Variants in RYR1 observed in about 807,000 individuals in gnomAD.
RYR1 encodes central core disease of muscle.
RYR1 carries 342 observed loss-of-function variants against 583.5 expected under a neutral mutation model. That is an observed-to-expected ratio of 0.59 (90% CI 0.54 to 0.64). The LOEUF (loss-of-function observed/expected upper bound fraction) is 0.64. Ranked by LOEUF, RYR1 falls within the 30% of genes least tolerant of loss-of-function variation. RYR1 has a pLI of 0.00. For synonymous variants in RYR1, 2,791 were observed against 2,822.5 expected, an observed-to-expected ratio of 0.99 and a Z score of 0.35; for missense variants, 6,032 against 6,917.2, an observed-to-expected ratio of 0.87 and a Z score of 4.54.
At chr19:38,572,310 G>T (rs1305385833) in intron 95 of RYR1, 40 bp downstream of exon 95, 2 of 1,586,064 alleles carry the variant, frequency 1.3e-6, no homozygotes, top group Admixed American at 3.4e-5. Context: ...GGGCTTATTG[G>T]CTGGGTGGGG....
chr19:38,525,575 G>C, intron 71 of RYR1, 73 bp downstream of exon 71: 2 of 1,523,040 alleles, frequency 1.3e-6, no homozygotes, highest in Non-Finnish European at 1.8e-6. Flanking sequence ...GGGACCTTAG[G>C]GAACAACCAC....
intron 34 of RYR1, among the ~76,000 whole-genome samples, chr19:38,486,595 C>G (rs77886329): frequency 6.6e-6 from 1 of 152,180 alleles, no homozygotes; most frequent in South Asian, 2.1e-4. Flanking sequence ...CCCACCTTGG[C>G]CTCCCAAAGT....
In RYR1 at chr19:38,532,658, G is replaced by A; in HGVS notation, c.11194-13G>A. 5 of 1,614,108 alleles carry A rather than the reference G, an allele frequency of 3.1e-6. No individual in the cohort carries two copies. The South Asian group carries it at 5.5e-5, about 18-fold the overall frequency. On this transcript the variant is annotated splice_polypyrimidine_tract_variant and intron_variant, in intron 77 of 105. Transcript: ENST00000359596. ...CTGCTTTGTTCATCCCTTAACTGATGCCCCCTCCCCAGAGCTGCCACCTGG... is the reference window on the plus strand; with the variant it reads ...CTGCTTTGTTCATCCCTTAACTGATACCCCCTCCCCAGAGCTGCCACCTGG...
rs906537668 is a variant in RYR1 at position 38,435,918 on chromosome 19, A to AT, written c.45+2051dup. Among the ~76,000 whole-genome samples the AT allele has an allele frequency of 5.3e-4, 80 of 151,908 alleles. 1 individual carries two copies. The highest frequency in any genetic ancestry group is 3.3e-4 in the Admixed American group (5 of 15,242). On this transcript the variant is annotated intron_variant, in intron 1 of 105. Transcript: ENST00000359596. ...TTGTTTTGTTTTTGTTTATTTATTT[A>AT]TTTTTTTGAGATGGAGTTTCACTCT...
intron 26 of RYR1, 27 bp from the exon 27 acceptor site, chr19:38,469,278 C>A (rs535899658): frequency 1.2e-6 from 2 of 1,612,830 alleles, no homozygotes; most frequent in African/African-American, 2.7e-5. Context: ...CTGCCCTCAC[C>A]CCTGCCCATC....
chr19:38,455,334 T>C lies in RYR1; in HGVS notation c.1540T>C (p.Trp514Arg). 6.2e-7 allele frequency: 1 copy of C among 1,614,108 alleles called. No individual in the cohort carries two copies. Among genetic ancestry groups the C allele is most frequent in the Non-Finnish European group, 8.5e-7 (1 of 1,179,992 alleles). ...TGCAGGGGAGGAGGCAGCCGAGTCC[T>C]GGAAAGAGATTGTGAATCTTCTCTA... ...EFAGEEAAES[W>R]KEIVNLLYEL... The change falls in exon 14 of 106, where the codon TGG becomes CGG. Residue 514 changes from tryptophan (W) to arginine (R), a missense_variant. By Grantham distance (101) the Trp-to-Arg change is moderately radical. Around this residue, in one of 11 missense-constraint regions of RYR1, gnomAD observed 2,627 missense variants for 2,961.3 expected, o/e 0.89. Coordinates refer to ENST00000359596, the MANE Select transcript of RYR1 (RefSeq NM_000540.3).
intron 89 of RYR1, among the ~76,000 whole-genome samples, chr19:38,552,403 G>A (rs1189248194): frequency 2.0e-5 from 3 of 151,998 alleles, no homozygotes; most frequent in Non-Finnish European, 2.9e-5. Context: ...ACAGGCATGC[G>A]CCACCACACC....
At position 38,565,027 on chromosome 19, in the gene RYR1, G is replaced by T. The variant is rs1350844178; in HGVS notation, c.12693G>T (p.Glu4231Asp). The T allele has an allele frequency of 1.0e-5, 16 of 1,587,328 alleles. No individual in the cohort carries two copies. The highest frequency in any genetic ancestry group is 1.3e-5 in the African/African-American group (1 of 74,572). ...VNEGGEAEKM[E>D]LFVSFCEDTI... Reference sequence around the variant, plus strand: ...AGGGCGGCGAGGCTGAGAAGATGGAGCTCTTCGTGAGTTTCTGCGAGGACA... The same window carrying T: ...AGGGCGGCGAGGCTGAGAAGATGGATCTCTTCGTGAGTTTCTGCGAGGACA... Residue 4231 changes from glutamate to aspartate, a missense_variant, in exon 91 of 106, where the codon GAG becomes GAT. Around this residue, in one of 11 missense-constraint regions of RYR1, gnomAD observed 753 missense variants for 759.6 expected, o/e 0.99. Coordinates refer to ENST00000359596, the MANE Select transcript of RYR1 (RefSeq NM_000540.3). The surrounding 1 kb of genome is among the most constrained non-coding windows in gnomAD (Gnocchi z 4.7).
In RYR1 at chr19:38,512,274, TGAAG is replaced by T; in HGVS notation, c.9265_9268del (p.Lys3089LeufsTer33). 6.2e-7 allele frequency: 1 copy of T among 1,614,188 alleles called. No individual in the cohort carries two copies. The highest frequency in any genetic ancestry group is 8.5e-7 in the Non-Finnish European group (1 of 1,180,024). On this transcript the variant is annotated frameshift_variant, in exon 63 of 106. Coordinates refer to ENST00000359596, the MANE Select transcript of RYR1 (RefSeq NM_000540.3). LOFTEE classifies it high-confidence loss of function. The surrounding 1 kb of genome is among the most constrained non-coding windows in gnomAD (Gnocchi z 5.1). ...GTGATGAAGTCAGGCCCTGAGATCG[TGAAG>T]GCTGGCCTCCGCTCCTTCTTCGAGA...
intron 93 of RYR1, among the ~76,000 whole-genome samples, chr19:38,569,413 G>C (rs998242211): frequency 2.0e-5 from 3 of 151,922 alleles, no homozygotes; most frequent in Non-Finnish European, 4.4e-5. Context: ...TAATTAGCTG[G>C]GTGAGGTGAC....
Position 38,528,338 on chromosome 19 carries a change from G to A in RYR1, c.10857G>A (p.Val3619=), listed in dbSNP as rs1971572195. The A allele has an allele frequency of 1.2e-6, 2 of 1,614,034 alleles. No individual in the cohort carries two copies. Among genetic ancestry groups the A allele is most frequent in the Non-Finnish European group, 8.5e-7 (1 of 1,180,020 alleles). Residue 3619 remains valine (V), a synonymous_variant, in exon 74 of 106, where the codon GTG becomes GTA. Transcript: ENST00000359596. ...TEHPYKSKKA[V]WHKLLSKQRR... ...ACCCTTACAAGTCTAAGAAGGCCGT[G>A]TGGCACAAGCTTTTGTCCAAACAGC...
chr19:38,478,672 C>T, intron 31 of RYR1, 72 bp downstream of exon 31: 1 of 1,559,654 alleles, frequency 6.4e-7, no homozygotes, highest in South Asian at 1.1e-5. Context: ...TATAGATGTC[C>T]CCTGAGGCCA....
chr19:38,451,723 G>A lies in RYR1; in HGVS notation c.1123-41G>A, dbSNP rs369711238. ...AGACGTCTTGGGGGCATGGCCCTGG[G>A]TGGCTGGGCCCACTCCAGACCTCTG... On this transcript the variant is annotated intron_variant, in intron 11 of 105. Coordinates refer to ENST00000359596, the MANE Select transcript of RYR1 (RefSeq NM_000540.3). 8.6e-5 allele frequency: 139 copies of A among 1,613,092 alleles called. No individual in the cohort carries two copies. The African/African-American group carries it at 1.7e-3, about 19-fold the overall frequency.
chr19:38,508,973 G>A (rs1970603218), intron 58 of RYR1, among the ~76,000 whole-genome samples: 1 of 152,082 alleles, frequency 6.6e-6, no homozygotes, highest in Non-Finnish European at 1.5e-5. Flanking sequence ...AGGCTGCTGG[G>A]GTGCCCCCCA....
In RYR1 at chr19:38,512,188, C is replaced by A. The variant is rs573979760; in HGVS notation, c.9233+56C>A. ...ACCATCATCGGGCCCCCACCCCAAC[C>A]CCTGGTCTCCTAGACTCTCCGATTC... On this transcript the variant is annotated intron_variant, in intron 62 of 105. Coordinates refer to ENST00000359596, the MANE Select transcript of RYR1 (RefSeq NM_000540.3). This position sits in a 1 kb window ranked among gnomAD's most constrained non-coding sequence, Gnocchi z 5.1. The A allele has an allele frequency of 6.2e-7, 1 of 1,613,948 alleles. No individual in the cohort carries two copies. Among genetic ancestry groups the A allele is most frequent in the Admixed American group, 1.7e-5 (1 of 60,018 alleles).
In RYR1 at chr19:38,505,906, C is replaced by G. The variant is rs555470100; in HGVS notation, c.8501C>G (p.Thr2834Arg). The G allele has an allele frequency of 1.4e-5, 22 of 1,612,878 alleles. No homozygotes were observed. The South Asian group carries it at 2.3e-4, about 17-fold the overall frequency. ...EKAREGEEEKTEKKKTRKISQ... is the reference protein window; with the variant it reads ...EKAREGEEEKREKKKTRKISQ... ...GCCAGGGAGGGTGAGGAGGAGAAGA[C>G]GGAAAAGAAAAAAACGCGGAAGATA... The change falls in exon 54 of 106, where the codon ACG (threonine) becomes AGG (arginine). Residue 2834 changes from threonine (T) to arginine (R), a missense_variant. Around this residue, in one of 11 missense-constraint regions of RYR1, gnomAD observed 1,493 missense variants for 1,715.5 expected, o/e 0.87. Coordinates refer to ENST00000359596, the MANE Select transcript of RYR1 (RefSeq NM_000540.3).
chr19:38,527,104 A>G (rs1335551001), intron 72 of RYR1, 52 bp downstream of exon 72: 1 of 1,587,234 alleles, frequency 6.3e-7, no homozygotes, highest in Non-Finnish European at 8.6e-7. Context: ...AGTAACCACA[A>G]TATTAGTGAA....
rs776165843 is a variant in RYR1, at chr19:38,455,759, C to T, written c.1791+8C>T. On this transcript the variant is annotated splice_region_variant and intron_variant, in intron 16 of 105. Transcript: ENST00000359596. Reference sequence around the variant, plus strand: ...CATGGGAGGAACCACAAGGTCGGCCCCTCACCCCTGACCTCTCATCCCCTG... The same window carrying T: ...CATGGGAGGAACCACAAGGTCGGCCTCTCACCCCTGACCTCTCATCCCCTG... 1.3e-6 allele frequency: 2 copies of T among 1,552,790 alleles called. No homozygotes were observed. Among genetic ancestry groups the T allele is most frequent in the Admixed American group, 3.3e-5 (2 of 59,896 alleles).
rs1968094535 is a variant in RYR1 at position 38,466,211 on chromosome 19, A to G, written c.2991A>G (p.Arg997=). Residue 997 remains arginine (R), a synonymous_variant, in exon 24 of 106, where the codon CGA becomes CGG. Coordinates refer to ENST00000359596, the MANE Select transcript of RYR1 (RefSeq NM_000540.3). The stretch of plus-strand genomic sequence containing the variant: ...AAAATGGGCACAACGTGTGGGCCCG[A>G]GACCGCGTGGGCCAGGGCTGGAGCT... ...LAENGHNVWA[R]DRVGQGWSYS... 5 of 1,613,488 alleles carry G rather than the reference A, an allele frequency of 3.1e-6. No individual in the cohort carries two copies. The highest frequency in any genetic ancestry group is 4.2e-6 in the Non-Finnish European group (5 of 1,179,956).
Sources: allele counts gnomAD v4.1 joint callset (sites outside exome capture counted in the v4.1 genomes callset), GRCh38; gene constraint gnomAD v4.1.1; regional missense constraint gnomAD v4.1.1; non-coding constraint Gnocchi (gnomAD v3.1); transcripts MANE v1.5; gene names NCBI Gene and HGNC (gene_info 2026-07-23, HGNC 2026-07-21).